The following WWOX variants were observed in gnomAD, a reference collection of about 807,000 sequenced individuals.
The protein encoded by WWOX is WW domain containing oxidoreductase.
In WWOX, 69 loss-of-function variants were observed where a neutral mutation model predicts 46.2. The observed-to-expected ratio is 1.49, with a 90% CI of 1.23 to 1.82. The LOEUF (loss-of-function observed/expected upper bound fraction) is 1.82. Among genes scored for constraint, WWOX ranks in the 40% most tolerant of loss-of-function variants. The pLI, the probability that WWOX is intolerant of heterozygous loss-of-function variation, is 0.00. For missense variants in WWOX, 919 were observed against 542.6 expected (o/e 1.69, Z -6.89); for synonymous variants, 359 against 202.6 (o/e 1.77, Z -6.56).
intron 8 of WWOX, among the ~76,000 whole-genome samples, chr16:78,834,603 G>A (rs982556117): frequency 2.0e-5 from 3 of 152,182 alleles, no homozygotes; most frequent in Non-Finnish European, 4.4e-5. Flanking sequence ...AGAAAGTACA[G>A]CGTAGTTTGT....
chr16:78,315,853 C>G (rs943715872), intron 5 of WWOX, among the ~76,000 whole-genome samples: 7 of 151,986 alleles, frequency 4.6e-5, no homozygotes, highest in African/African-American at 1.7e-4. Context: ...TAAGAAAAAT[C>G]ACCAAAAATT....
chr16:79,189,562 A>C (rs905345466), intron 8 of WWOX, among the ~76,000 whole-genome samples: 1 of 151,518 alleles, frequency 6.6e-6, no homozygotes, highest in Non-Finnish European at 1.5e-5. Flanking sequence ...TGGCCTCTCA[A>C]AGTGCTAGGA....
intron 5 of WWOX, among the ~76,000 whole-genome samples, chr16:78,364,468 GA>G (rs5818132): frequency 0.62 from 93,907 of 151,302 alleles, 31,368 homozygotes; most frequent in Non-Finnish European, 0.77. Flanking sequence ...AGGGTGCCCG[GA>G]ATATCTGATC....
chr16:79,193,235 C>G (rs1433702595), intron 8 of WWOX, among the ~76,000 whole-genome samples: 1 of 152,208 alleles, frequency 6.6e-6, no homozygotes, highest in Admixed American at 6.5e-5. Context: ...CCTCTGCATA[C>G]AAGTTGCTTA....
intron 6 of WWOX, among the ~76,000 whole-genome samples, chr16:78,420,115 A>T (rs2082887543): frequency 6.6e-6 from 1 of 152,164 alleles, no homozygotes; most frequent in South Asian, 2.1e-4. Flanking sequence ...AAGTCAGATA[A>T]CAAATACTTA....
chr16:78,261,051 G>A (rs1371534198), intron 5 of WWOX, among the ~76,000 whole-genome samples: 2 of 150,634 alleles, frequency 1.3e-5, no homozygotes, highest in Admixed American at 6.6e-5. Flanking sequence ...CAAATATGAT[G>A]TGAAGCTTTA....
At chr16:78,567,733 C>T (rs1459568528) in intron 8 of WWOX, among the ~76,000 whole-genome samples, 1 of 152,052 alleles carries the variant, frequency 6.6e-6, no homozygotes, top group African/African-American at 2.4e-5. Context: ...CACCCTGCCT[C>T]TGTGGCTGAG....
intron 8 of WWOX, among the ~76,000 whole-genome samples, chr16:78,500,233 G>A (rs2085026119): frequency 6.6e-6 from 1 of 152,228 alleles, no homozygotes; most frequent in South Asian, 2.1e-4. Flanking sequence ...GGGGAAAGGT[G>A]GGGCTTTAAA....
intron 8 of WWOX, among the ~76,000 whole-genome samples, chr16:78,803,698 G>T (rs770622610): frequency 4.7e-4 from 71 of 152,236 alleles, no homozygotes; most frequent in Middle Eastern, 3.4e-3. Context: ...GGCTCAAGCA[G>T]TCTTCCCACC....
chr16:78,195,211 C>T (rs963454408), intron 5 of WWOX, among the ~76,000 whole-genome samples: 1 of 152,168 alleles, frequency 6.6e-6, no homozygotes, highest in Non-Finnish European at 1.5e-5. Context: ...GGAGGGACAG[C>T]TTGAGCACTA....
At chr16:78,705,422 C>T (rs561274981) in intron 8 of WWOX, among the ~76,000 whole-genome samples, 1 of 152,186 alleles carries the variant, frequency 6.6e-6, no homozygotes, top group Non-Finnish European at 1.5e-5. Context: ...GCGAAAGTGG[C>T]TGTAAAAATG....
At chr16:78,179,224 A>C (rs1210822851) in intron 5 of WWOX, among the ~76,000 whole-genome samples, 1 of 152,230 alleles carries the variant, frequency 6.6e-6, no homozygotes, top group Admixed American at 6.5e-5. Flanking sequence ...TTTGCTTTGC[A>C]GGGACAGCAA....
intron 8 of WWOX, among the ~76,000 whole-genome samples, chr16:78,657,223 A>T (rs1204299631): frequency 1.3e-5 from 2 of 150,982 alleles, no homozygotes; most frequent in Non-Finnish European, 3.0e-5. Flanking sequence ...CTCCACCATC[A>T]CCCCTTTTGT....
chr16:78,765,422 T>C (rs1024498873), intron 8 of WWOX, among the ~76,000 whole-genome samples: 5 of 152,174 alleles, frequency 3.3e-5, no homozygotes, highest in African/African-American at 9.7e-5. Flanking sequence ...CTCATACTTA[T>C]AATCCCAGCA....
chr16:78,848,958 A>G (rs2052369977), intron 8 of WWOX, among the ~76,000 whole-genome samples: 1 of 152,170 alleles, frequency 6.6e-6, no homozygotes, highest in Non-Finnish European at 1.5e-5. Context: ...ATTTAGGGGT[A>G]AAGGTGCTGA....
At chr16:78,373,589 A>G (rs1004425745) in intron 5 of WWOX, among the ~76,000 whole-genome samples, 1 of 151,808 alleles carries the variant, frequency 6.6e-6, no homozygotes, top group Non-Finnish European at 1.5e-5. Context: ...TCTGAGGGAC[A>G]GCTAGTTCTA....
intron 8 of WWOX, among the ~76,000 whole-genome samples, chr16:78,910,514 T>G (rs1019946431): frequency 9.2e-5 from 14 of 151,902 alleles, no homozygotes; most frequent in Admixed American, 5.2e-4. Context: ...TTGTTTTTTT[T>G]TTTTTTTAAA....
intron 5 of WWOX, among the ~76,000 whole-genome samples, chr16:78,265,678 C>CAA (rs61417547): frequency 7.6e-6 from 1 of 132,424 alleles, no homozygotes. Context: ...AACTCCATGT[C>CAA]AAAAAAAAAA....
At chr16:78,764,270 G>T (rs952597921) in intron 8 of WWOX, among the ~76,000 whole-genome samples, 11 of 151,728 alleles carry the variant, frequency 7.2e-5, no homozygotes, top group Non-Finnish European at 1.5e-4. Flanking sequence ...GAATTTCTCC[G>T]TGGGGAGGAG....
Sources: allele counts gnomAD v4.1 joint callset (sites outside exome capture counted in the v4.1 genomes callset), GRCh38; gene constraint gnomAD v4.1.1; transcripts MANE v1.5; gene names NCBI Gene and HGNC (gene_info 2026-07-23, HGNC 2026-07-21).